The following CADM2 variants were observed in gnomAD, a reference collection of about 807,000 sequenced individuals.
The protein encoded by CADM2 is cell adhesion molecule 2.
Under a neutral mutation model 49.8 loss-of-function variants are expected in CADM2, and 12 were observed. That is an observed-to-expected ratio of 0.24 (90% CI 0.15 to 0.39). The LOEUF (loss-of-function observed/expected upper bound fraction) is 0.39, where lower values mean the gene tolerates loss of function less well. Among genes scored for constraint, CADM2 ranks in the 10% least tolerant of loss-of-function variants. The pLI is 1.00. For synonymous variants in CADM2, 214 were observed against 175.4 expected, an observed-to-expected ratio of 1.22 and a Z score of -1.74; for missense variants, 378 against 492.3, an observed-to-expected ratio of 0.77 and a Z score of 2.20.
chr3:85,735,806 G>A (rs1238252578), intron 2 of CADM2, among the ~76,000 whole-genome samples: 1 of 151,994 alleles, frequency 6.6e-6, no homozygotes, highest in Non-Finnish European at 1.5e-5. Context: ...TTACAAGATC[G>A]AAAAGACAGG....
intron 6 of CADM2, among the ~76,000 whole-genome samples, chr3:85,915,208 A>G (rs1718123461): frequency 6.6e-6 from 1 of 152,158 alleles, no homozygotes; most frequent in African/African-American, 2.4e-5. Context: ...AATAAGTAAA[A>G]CTTCATGGAG....
At chr3:85,974,587 A>T (rs1559776697) in intron 8 of CADM2, among the ~76,000 whole-genome samples, 1 of 151,758 alleles carries the variant, frequency 6.6e-6, no homozygotes, top group East Asian at 2.0e-4. Flanking sequence ...TGATGAATTT[A>T]TCATATTCAA....
chr3:85,678,441 A>G (rs143207588), intron 1 of CADM2, among the ~76,000 whole-genome samples: 20 of 152,280 alleles, frequency 1.3e-4, no homozygotes, highest in African/African-American at 3.4e-4. Flanking sequence ...CTGAGTGCCA[A>G]CTGGTCTTCA....
At chr3:85,101,928 C>G (rs2038027752) in intron 1 of CADM2, among the ~76,000 whole-genome samples, 1 of 152,134 alleles carries the variant, frequency 6.6e-6, no homozygotes, top group Admixed American at 6.6e-5. Context: ...GTGTATCTAA[C>G]TCTTCAGGTG....
At chr3:85,536,760 G>A (rs2061430363) in intron 1 of CADM2, among the ~76,000 whole-genome samples, 1 of 151,892 alleles carries the variant, frequency 6.6e-6, no homozygotes, top group Non-Finnish European at 1.5e-5. Context: ...AAATATGAGA[G>A]ATATGTATAG....
chr3:85,597,486 C>T (rs1284940105), intron 1 of CADM2, among the ~76,000 whole-genome samples: 1 of 151,970 alleles, frequency 6.6e-6, no homozygotes, highest in Non-Finnish European at 1.5e-5. Context: ...ATCTATGTGC[C>T]ACTGATATTT....
intron 1 of CADM2, among the ~76,000 whole-genome samples, chr3:85,355,749 A>T (rs1219851984): frequency 1.3e-5 from 2 of 152,142 alleles, no homozygotes; most frequent in Non-Finnish European, 2.9e-5. Context: ...AGCAAGTGGC[A>T]ATATCTGAGA....
intron 5 of CADM2, among the ~76,000 whole-genome samples, chr3:85,907,135 T>C (rs577831495): frequency 2.3e-4 from 35 of 152,300 alleles, no homozygotes; most frequent in Non-Finnish European, 4.1e-4. Flanking sequence ...TCTCATGTAA[T>C]GCGTATATTT....
At chr3:85,625,818 T>A (rs1193050471) in intron 1 of CADM2, among the ~76,000 whole-genome samples, 3 of 151,998 alleles carry the variant, frequency 2.0e-5, no homozygotes, top group Non-Finnish European at 4.4e-5. Context: ...TTTTCTCTAA[T>A]TAAAAATAAA....
chr3:85,734,125 G>A (rs1260148624), intron 2 of CADM2, among the ~76,000 whole-genome samples: 1 of 151,922 alleles, frequency 6.6e-6, no homozygotes, highest in Non-Finnish European at 1.5e-5. Flanking sequence ...TATTTTTAAT[G>A]AAAAAAATTA....
chr3:85,194,084 A>G lies in CADM2; in HGVS notation c.61+234416A>G, dbSNP rs186078153. Among the ~76,000 whole-genome samples the G allele has an allele frequency of 2.0e-5, 3 of 152,256 alleles. No individual in the cohort carries two copies. In the East Asian group the frequency reaches 5.8e-4, roughly 29 times the overall value. On this transcript the variant is annotated intron_variant, in intron 1 of 9. Transcript: ENST00000383699. ...GCCTTCCTAAAGAAGTAGTTTATGA[A>G]CTAAAATCTGGAGGATATGTTGGTG...
At chr3:85,832,967 G>A (rs2074247665) in intron 3 of CADM2, among the ~76,000 whole-genome samples, 1 of 151,896 alleles carries the variant, frequency 6.6e-6, no homozygotes, top group Non-Finnish European at 1.5e-5. Flanking sequence ...TTAGTATTTT[G>A]AGGTATTTTT....
chr3:85,349,147 C>G (rs1425747911), intron 1 of CADM2, among the ~76,000 whole-genome samples: 3 of 152,088 alleles, frequency 2.0e-5, no homozygotes, highest in Non-Finnish European at 4.4e-5. Flanking sequence ...TCTTTTATCT[C>G]CTATTCAGAG....
intron 1 of CADM2, among the ~76,000 whole-genome samples, chr3:85,500,841 A>G (rs1281089871): frequency 6.6e-6 from 1 of 152,012 alleles, no homozygotes; most frequent in Non-Finnish European, 1.5e-5. Flanking sequence ...TGATGTGAAC[A>G]CTTCCTATTG....
At position 85,242,449 on chromosome 3, in the gene CADM2, TG is replaced by T. The variant is rs1279630677; in HGVS notation, c.61+282782del. On this transcript the variant is annotated intron_variant, in intron 1 of 9. Transcript: ENST00000383699. ...TCTACATTTTGCCTTTATAGGAAAATGTTTTTTTACTGCTTCAAGTCTACTG... is the reference window on the plus strand; with the variant it reads ...TCTACATTTTGCCTTTATAGGAAAATTTTTTTTACTGCTTCAAGTCTACTG... Among the ~76,000 whole-genome samples the T allele has an allele frequency of 3.3e-5, 5 of 151,682 alleles. No individual in the cohort carries two copies. In the South Asian group the frequency reaches 1.0e-3, roughly 31 times the overall value.
chr3:85,028,648 A>C (rs1432450694), intron 1 of CADM2, among the ~76,000 whole-genome samples: 1 of 152,112 alleles, frequency 6.6e-6, no homozygotes, highest in Non-Finnish European at 1.5e-5. Context: ...ACAAGAAAGA[A>C]AATAGAAATC....
At chr3:85,492,215 C>T (rs541190784) in intron 1 of CADM2, among the ~76,000 whole-genome samples, 25 of 152,180 alleles carry the variant, frequency 1.6e-4, no homozygotes, top group African/African-American at 5.8e-4. Flanking sequence ...TTATTGAAAT[C>T]TTTGTTTTGG....
At chr3:85,149,558 C>G (rs1169833773) in intron 1 of CADM2, among the ~76,000 whole-genome samples, 1 of 151,990 alleles carries the variant, frequency 6.6e-6, no homozygotes, top group Non-Finnish European at 1.5e-5. Flanking sequence ...AACCCCGTCT[C>G]TACTAAAAAT....
chr3:85,475,608 T>G (rs2107616969), intron 1 of CADM2, among the ~76,000 whole-genome samples: 1 of 152,054 alleles, frequency 6.6e-6, no homozygotes, highest in Middle Eastern at 3.4e-3. Flanking sequence ...TAAACTATCA[T>G]TAATCTTATA....
Sources: gnomAD v4.1 joint callset for allele counts (sites outside exome capture counted in the v4.1 genomes callset) on GRCh38, gnomAD v4.1.1 for gene constraint, MANE v1.5 for transcripts, NCBI Gene and HGNC (gene_info 2026-07-23, HGNC 2026-07-21) for gene names.